SLIT2: variants seen among roughly 807,000 people sequenced by gnomAD.
SLIT2 encodes the protein slit guidance ligand 2, also known as slit homolog 2 protein.
In SLIT2, 41 loss-of-function variants were observed where a neutral mutation model predicts 185.7. That is an observed-to-expected ratio of 0.22 (90% CI 0.17 to 0.29). The LOEUF is 0.29. Ranked by LOEUF, SLIT2 falls within the 10% of genes least tolerant of loss-of-function variation. SLIT2 has a pLI of 1.00. For missense variants in SLIT2, 1,571 were observed against 1,909.0 expected (o/e 0.82, Z 3.30); for synonymous variants, 693 against 680.2 (o/e 1.02, Z -0.29).
intron 4 of SLIT2, among the ~76,000 whole-genome samples, chr4:20,452,621 C>T (rs891034487): frequency 6.6e-6 from 1 of 152,054 alleles, no homozygotes; most frequent in Non-Finnish European, 1.5e-5. Flanking sequence ...TCTCTTTTGT[C>T]TTTTGTTTCC....
chr4:20,559,690 G>C (rs1359127496), intron 26 of SLIT2, among the ~76,000 whole-genome samples: 1 of 151,728 alleles, frequency 6.6e-6, no homozygotes, highest in Non-Finnish European at 1.5e-5. Flanking sequence ...TTCCCCATTT[G>C]AGATATGAAA....
intron 4 of SLIT2, among the ~76,000 whole-genome samples, chr4:20,355,158 C>A (rs977340603): frequency 6.6e-6 from 1 of 152,152 alleles, no homozygotes; most frequent in African/African-American, 2.4e-5. Flanking sequence ...ACCATGGCAA[C>A]AGGTGTGTAA....
intron 5 of SLIT2, among the ~76,000 whole-genome samples, chr4:20,472,855 G>A (rs898513888): frequency 1.3e-5 from 2 of 150,978 alleles, no homozygotes; most frequent in Admixed American, 6.6e-5. Context: ...ATAGTACTTA[G>A]TAAGTACCAG....
intron 4 of SLIT2, among the ~76,000 whole-genome samples, chr4:20,358,141 T>G (rs1238181047): frequency 6.6e-6 from 1 of 152,158 alleles, no homozygotes; most frequent in Non-Finnish European, 1.5e-5. Flanking sequence ...TATCCCTTCA[T>G]GTTCTCTTTC....
rs561140594 is a variant in SLIT2 at position 20,511,839 on chromosome 4, A to C, written c.1058+702A>C. Among the ~76,000 whole-genome samples the C allele has an allele frequency of 1.5e-3, 234 of 152,026 alleles. 1 individual carries two copies. The highest frequency in any genetic ancestry group is 5.3e-3 in the African/African-American group (220 of 41,482). On this transcript the variant is annotated intron_variant, in intron 11 of 36. Coordinates refer to ENST00000504154, the MANE Select transcript of SLIT2 (RefSeq NM_004787.4). The stretch of plus-strand genomic sequence containing the variant: ...AATGCTAGGCAAAATCTTGCTGAGA[A>C]CACTTGAAGATGACCACTGAGAGGA...
intron 24 of SLIT2, among the ~76,000 whole-genome samples, chr4:20,550,002 G>A (rs1723597947): frequency 6.6e-6 from 1 of 152,048 alleles, no homozygotes; most frequent in South Asian, 2.1e-4. Context: ...GTACTGTCAA[G>A]TATATTGGAA....
At chr4:20,398,193 C>T (rs1381487175) in intron 4 of SLIT2, among the ~76,000 whole-genome samples, 1 of 151,636 alleles carries the variant, frequency 6.6e-6, no homozygotes, top group East Asian at 1.9e-4. Flanking sequence ...ACAAAGAGGA[C>T]CCAAGAGAGG....
At chr4:20,409,759 T>C (rs758072204) in intron 4 of SLIT2, among the ~76,000 whole-genome samples, 5 of 152,166 alleles carry the variant, frequency 3.3e-5, no homozygotes, top group Admixed American at 6.5e-5. Context: ...TAATAATAGC[T>C]ATTCTTACTG....
chr4:20,506,920 A>C (rs973463600), intron 9 of SLIT2, among the ~76,000 whole-genome samples: 6 of 152,066 alleles, frequency 3.9e-5, no homozygotes, highest in African/African-American at 1.4e-4. Context: ...GTCAGTGTGA[A>C]TAACAACATA....
chr4:20,420,388 C>T (rs1182311774), intron 4 of SLIT2, among the ~76,000 whole-genome samples: 2 of 152,166 alleles, frequency 1.3e-5, no homozygotes, highest in Non-Finnish European at 2.9e-5. Flanking sequence ...ACTATTAATT[C>T]ATTCAACAAA....
At chr4:20,387,674 T>G (rs561702952) in intron 4 of SLIT2, among the ~76,000 whole-genome samples, 1 of 152,206 alleles carries the variant, frequency 6.6e-6, no homozygotes, top group South Asian at 2.1e-4. Flanking sequence ...GGTTCCCAGA[T>G]GGAGGCCCAC....
intron 4 of SLIT2, among the ~76,000 whole-genome samples, chr4:20,431,586 T>C (rs568130976): frequency 6.6e-6 from 1 of 152,204 alleles, no homozygotes; most frequent in South Asian, 2.1e-4. Context: ...GGAAAAGTGA[T>C]TAAAGTTCCC....
chr4:20,280,624 G>A (rs1329365757), intron 4 of SLIT2, among the ~76,000 whole-genome samples: 1 of 152,068 alleles, frequency 6.6e-6, no homozygotes, highest in Non-Finnish European at 1.5e-5. Flanking sequence ...CATCTAAGAT[G>A]TGTTCTCTCT....
Position 20,471,762 on chromosome 4 carries a change from G to A in SLIT2, c.467+3939G>A, listed in dbSNP as rs1466468426. ...CCCAACAATATGAAATTGATGCTGT[G>A]GAAATTTTGCAGATTAGCAGATCTC... On this transcript the variant is annotated intron_variant, in intron 5 of 36. Coordinates refer to ENST00000504154, the MANE Select transcript of SLIT2 (RefSeq NM_004787.4). Among the ~76,000 whole-genome samples the A allele has an allele frequency of 2.6e-5, 4 of 152,158 alleles. No homozygotes were observed. The East Asian group carries it at 7.7e-4, about 29-fold the overall frequency.
Position 20,488,815 on chromosome 4 carries a change from T to G in SLIT2, c.612-4T>G. 1 of 1,572,064 alleles carries G rather than the reference T, an allele frequency of 6.4e-7. No homozygotes were observed. The highest frequency in any genetic ancestry group is 8.6e-7 in the Non-Finnish European group (1 of 1,156,196). ...TGCTTTACACTTCTTTTTTTCTCAT[T>G]TAGTCGACTGCATTCAAACAACCTG... On this transcript the variant is annotated splice_region_variant and splice_polypyrimidine_tract_variant and intron_variant, in intron 7 of 36. Transcript: ENST00000504154.
chr4:20,503,206 T>A (rs1718894120), intron 9 of SLIT2, among the ~76,000 whole-genome samples: 1 of 152,308 alleles, frequency 6.6e-6, no homozygotes, highest in South Asian at 2.1e-4. Context: ...ATTTTACTAG[T>A]GATCAGCATT....
chr4:20,256,671 G>C lies in SLIT2; in HGVS notation c.180-1G>C. ...CTTTCACTTTCTGGTTTTTCTCTTA[G>C]GGATTTAAATGGAAATAACATCACA... is the stretch of plus-strand genomic sequence containing the variant. On this transcript the variant is annotated splice_acceptor_variant, in intron 1 of 36. Transcript: ENST00000504154. LOFTEE classifies it high-confidence loss of function. The C allele has an allele frequency of 1.3e-6, 2 of 1,524,452 alleles. No individual in the cohort carries two copies. The highest frequency in any genetic ancestry group is 1.8e-6 in the Non-Finnish European group (2 of 1,111,010). 94.4% of individuals were successfully genotyped at this position (1,524,452 alleles called of 1,614,324 possible).
At position 20,496,956 on chromosome 4, in the gene SLIT2, A is replaced by G. The variant is rs78123811; in HGVS notation, c.914+5057A>G. Among the ~76,000 whole-genome samples, 158 of 152,336 alleles carry G rather than the reference A, an allele frequency of 1.0e-3. 2 individuals are homozygous for G. In the East Asian group the frequency reaches 0.029, roughly 28 times the overall value. On this transcript the variant is annotated intron_variant, in intron 9 of 36. Coordinates refer to ENST00000504154, the MANE Select transcript of SLIT2 (RefSeq NM_004787.4). ...AATCAGCAAGAGAAAAAGTAAATGC[A>G]TAGAATTTTTAATAGCATGGGCCAA...
At position 20,528,283 on chromosome 4, in the gene SLIT2, G is replaced by C; in HGVS notation, c.1463-666G>C. On this transcript the variant is annotated intron_variant, in intron 15 of 36. Transcript: ENST00000504154. This position sits in a 1 kb window ranked among gnomAD's most constrained non-coding sequence, Gnocchi z 4.2. Reference sequence around the variant, plus strand: ...GCCTAGTGGTTGGTGTAGTGATAATGTAGCGAGATTTTCTGTTGTGCTTGA... The same window carrying C: ...GCCTAGTGGTTGGTGTAGTGATAATCTAGCGAGATTTTCTGTTGTGCTTGA... The C allele has an allele frequency of 1.9e-6, 1 of 534,656 alleles. No homozygotes were observed. Among genetic ancestry groups the C allele is most frequent in the South Asian group, 1.4e-5 (1 of 71,564 alleles). The allele number at this position is 534,656 out of a possible 1,614,324, so 33.1% of individuals were successfully genotyped here.
Sources: gnomAD v4.1 joint callset for allele counts (sites outside exome capture counted in the v4.1 genomes callset) on GRCh38, gnomAD v4.1.1 for gene constraint, Gnocchi (gnomAD v3.1) non-coding constraint, MANE v1.5 for transcripts, NCBI Gene and HGNC (gene_info 2026-07-23, HGNC 2026-07-21) for gene names.